GPC6: variants seen among roughly 807,000 people sequenced by gnomAD.
The protein encoded by GPC6 is glypican 6.
Under a neutral mutation model 55.2 loss-of-function variants are expected in GPC6, and 14 were observed. The ratio of observed to expected loss-of-function variants is 0.25; its 90% CI spans 0.17 to 0.40. GPC6 has a LOEUF of 0.40. Among genes scored for constraint, GPC6 ranks in the 10% least tolerant of loss-of-function variants. The pLI is 1.00. For synonymous variants in GPC6, 278 were observed against 259.6 expected (o/e 1.07, Z -0.68); for missense variants, 641 against 708.5 (o/e 0.90, Z 1.08).
intron 3 of GPC6, among the ~76,000 whole-genome samples, chr13:94,018,878 T>C (rs138662749): frequency 5.8e-4 from 88 of 152,262 alleles, no homozygotes; most frequent in Middle Eastern, 3.4e-3. Flanking sequence ...GCATGCTCCT[T>C]ATGAGAATCT....
At chr13:93,774,653 C>T (rs1032418468) in intron 2 of GPC6, among the ~76,000 whole-genome samples, 1 of 152,102 alleles carries the variant, frequency 6.6e-6, no homozygotes, top group Admixed American at 6.6e-5. Context: ...TAAGTTAACA[C>T]AAAGGCATAT....
At chr13:93,763,688 T>C (rs1594436333) in intron 2 of GPC6, among the ~76,000 whole-genome samples, 1 of 152,250 alleles carries the variant, frequency 6.6e-6, no homozygotes, top group Non-Finnish European at 1.5e-5. Context: ...AAAAGAAATA[T>C]CTGTCAGCAG....
At chr13:94,162,597 G>C (rs1238575235) in intron 4 of GPC6, among the ~76,000 whole-genome samples, 3 of 152,166 alleles carry the variant, frequency 2.0e-5, no homozygotes, top group African/African-American at 7.2e-5. Context: ...CCAGGGTTCT[G>C]TTAGTAAGCG....
chr13:93,989,055 A>G (rs1335753366), intron 3 of GPC6, among the ~76,000 whole-genome samples: 1 of 152,180 alleles, frequency 6.6e-6, no homozygotes, highest in African/African-American at 2.4e-5. Context: ...AGAGTAGGAA[A>G]CTAAAATGCT....
chr13:93,789,395 A>G (rs2138919083), intron 2 of GPC6, among the ~76,000 whole-genome samples: 1 of 150,628 alleles, frequency 6.6e-6, no homozygotes, highest in South Asian at 2.1e-4. Context: ...CTCTCCAGGA[A>G]GGTCAAGTGT....
Position 94,316,261 on chromosome 13 carries a change from C to T in GPC6, c.1152+10138C>T, listed in dbSNP as rs148184226. Among the ~76,000 whole-genome samples, 683 of 152,182 alleles carry T rather than the reference C, an allele frequency of 4.5e-3. 9 individuals are homozygous for T. The highest frequency in any genetic ancestry group is 9.4e-3 in the African/African-American group (389 of 41,554). ...GTCCTACAAAACCATCATCCTTTTT[C>T]GGTCAGGCTGATTTTCAGCATCGGA... On this transcript the variant is annotated intron_variant, in intron 6 of 8. Transcript: ENST00000377047.
intron 3 of GPC6, among the ~76,000 whole-genome samples, chr13:93,846,298 C>T (rs1370880082): frequency 4.6e-5 from 7 of 152,130 alleles, no homozygotes; most frequent in Admixed American, 3.3e-4. Context: ...TACACCTTGC[C>T]ATTTAGCCCT....
intron 3 of GPC6, among the ~76,000 whole-genome samples, chr13:93,999,316 T>G (rs962625823): frequency 1.1e-4 from 16 of 152,166 alleles, no homozygotes; most frequent in African/African-American, 3.9e-4. Flanking sequence ...TTGCTGAGAA[T>G]GGTGGTTTCC....
chr13:94,283,725 A>G (rs569575135), intron 4 of GPC6, among the ~76,000 whole-genome samples: 26 of 152,380 alleles, frequency 1.7e-4, no homozygotes, highest in African/African-American at 6.0e-4. Flanking sequence ...CAAAACGAGC[A>G]ACACAGGAGA....
chr13:94,221,622 T>C (rs1890387654), intron 4 of GPC6, among the ~76,000 whole-genome samples: 1 of 152,126 alleles, frequency 6.6e-6, no homozygotes, highest in Non-Finnish European at 1.5e-5. Context: ...ACTAACCTCA[T>C]ATGACAGAAT....
intron 2 of GPC6, among the ~76,000 whole-genome samples, chr13:93,769,405 A>G (rs1040430808): frequency 6.6e-6 from 1 of 151,114 alleles, no homozygotes; most frequent in Non-Finnish European, 1.5e-5. Flanking sequence ...TCAGAGAAAC[A>G]CAAGCTGTGA....
rs1308908749 is a variant in GPC6 at position 94,405,277 on chromosome 13, T to C, written c.*2060T>C. On this transcript the variant is annotated 3_prime_UTR_variant, in exon 9 of 9. Coordinates refer to ENST00000377047, the MANE Select transcript of GPC6 (RefSeq NM_005708.5). ...AACCATCTAGTTCATCATTACATAC[T>C]CCTAGAAAACCATCCATTTCACTGC... 1 of 152,206 alleles carries C rather than the reference T, an allele frequency of 6.6e-6. No homozygotes were observed. Among genetic ancestry groups the C allele is most frequent in the Non-Finnish European group, 1.5e-5 (1 of 68,030 alleles). The allele number at this position is 152,206 out of a possible 1,614,324, so 9.4% of individuals were successfully genotyped here.
intron 1 of GPC6, among the ~76,000 whole-genome samples, chr13:93,374,685 A>C (rs1205062346): frequency 1.3e-5 from 2 of 152,322 alleles, no homozygotes; most frequent in East Asian, 3.9e-4. Context: ...AGGTTGAATA[A>C]AAATAGGTAA....
rs1875828382 is a variant in GPC6 at position 93,227,391 on chromosome 13, C to T, written c.-66C>T. 6.4e-7 allele frequency: 1 copy of T among 1,551,328 alleles called. No homozygotes were observed. The highest frequency in any genetic ancestry group is 1.4e-5 in the African/African-American group (1 of 73,426). ...GCCGCTGCCTCTGGCGGGCTTTCGG[C>T]TTGAGGGGCAAGGTGAAGAGCGCAC... On this transcript the variant is annotated 5_prime_UTR_variant, in exon 1 of 9. Coordinates refer to ENST00000377047, the MANE Select transcript of GPC6 (RefSeq NM_005708.5). This position sits in a 1 kb window ranked among gnomAD's most constrained non-coding sequence, Gnocchi z 4.3.
At chr13:94,101,327 C>T (rs1020947115) in intron 4 of GPC6, among the ~76,000 whole-genome samples, 1 of 148,518 alleles carries the variant, frequency 6.7e-6, no homozygotes, top group African/African-American at 2.6e-5. Context: ...ATGTTATCAA[C>T]AGCAGCCTTT....
chr13:93,263,364 T>G (rs1348693345), intron 1 of GPC6, among the ~76,000 whole-genome samples: 2 of 151,654 alleles, frequency 1.3e-5, no homozygotes, highest in East Asian at 1.9e-4. Context: ...TGTTTTTTTG[T>G]TTTTTTTGTT....
chr13:93,621,983 C>G (rs1878972158), intron 2 of GPC6, among the ~76,000 whole-genome samples: 1 of 152,070 alleles, frequency 6.6e-6, no homozygotes, highest in Admixed American at 6.6e-5. Context: ...TATGTTTGTA[C>G]CCATTAACCA....
chr13:93,261,472 G>A (rs1333957735), intron 1 of GPC6, among the ~76,000 whole-genome samples: 2 of 152,166 alleles, frequency 1.3e-5, no homozygotes, highest in African/African-American at 2.4e-5. Flanking sequence ...ACTTGAAACA[G>A]CTGGGTTTAC....
intron 4 of GPC6, among the ~76,000 whole-genome samples, chr13:94,079,543 A>C (rs1885034265): frequency 6.6e-6 from 1 of 152,044 alleles, no homozygotes; most frequent in African/African-American, 2.4e-5. Flanking sequence ...CAGTTATTTC[A>C]CCCATGGTGA....
Sources: gnomAD v4.1 joint callset for allele counts (sites outside exome capture counted in the v4.1 genomes callset) on GRCh38, gnomAD v4.1.1 for gene constraint, Gnocchi (gnomAD v3.1) non-coding constraint, MANE v1.5 for transcripts, NCBI Gene and HGNC (gene_info 2026-07-23, HGNC 2026-07-21) for gene names.